SYT1: variants seen among roughly 807,000 people sequenced by gnomAD.
SYT1 encodes the protein synaptotagmin 1, also known as synaptotagmin-1.
Under a neutral mutation model 44.8 loss-of-function variants are expected in SYT1, and 8 were observed. That is an observed-to-expected ratio of 0.18 (90% CI 0.10 to 0.32). SYT1 has a LOEUF of 0.32. Ranked by LOEUF, SYT1 falls within the 10% of genes least tolerant of loss-of-function variation. The pLI, the probability that SYT1 is intolerant of heterozygous loss-of-function variation, is 1.00. For synonymous variants in SYT1, 154 were observed against 188.8 expected, an observed-to-expected ratio of 0.82 and a Z score of 1.51; for missense variants, 286 against 509.3, an observed-to-expected ratio of 0.56 and a Z score of 4.22.
intron 3 of SYT1, among the ~76,000 whole-genome samples, chr12:79,190,704 A>G (rs1313864174): frequency 6.6e-6 from 1 of 152,136 alleles, no homozygotes. Context: ...TCATTCACTT[A>G]CAGTCAATAT....
intron 3 of SYT1, among the ~76,000 whole-genome samples, chr12:79,164,409 G>A (rs551327428): frequency 2.0e-5 from 3 of 151,890 alleles, no homozygotes; most frequent in Non-Finnish European, 4.4e-5. Flanking sequence ...GAAGTTGTGC[G>A]GATGCCTCAC....
chr12:78,933,326 A>G (rs1208881474), intron 1 of SYT1, among the ~76,000 whole-genome samples: 2 of 152,188 alleles, frequency 1.3e-5, no homozygotes, highest in African/African-American at 4.8e-5. Context: ...CTCTTACCAG[A>G]GGAAGGAAGA....
intron 1 of SYT1, among the ~76,000 whole-genome samples, chr12:78,972,765 A>G (rs1298233718): frequency 6.6e-6 from 1 of 151,926 alleles, no homozygotes; most frequent in Non-Finnish European, 1.5e-5. Context: ...TGCCATAACA[A>G]TATAATATAG....
intron 4 of SYT1, among the ~76,000 whole-genome samples, chr12:79,259,375 A>C (rs1877704992): frequency 6.6e-6 from 1 of 152,216 alleles, no homozygotes; most frequent in South Asian, 2.1e-4. Flanking sequence ...CATATTCTGA[A>C]TTTAAAACTG....
chr12:78,891,008 T>C (rs1356462390), intron 1 of SYT1, among the ~76,000 whole-genome samples: 1 of 151,962 alleles, frequency 6.6e-6, no homozygotes, highest in African/African-American at 2.4e-5. Context: ...TACTGATTCC[T>C]CATGTATATG....
chr12:78,913,231 T>C (rs969120630), intron 1 of SYT1, among the ~76,000 whole-genome samples: 1 of 151,338 alleles, frequency 6.6e-6, no homozygotes, highest in African/African-American at 2.4e-5. Context: ...TTTTTAAGCA[T>C]ATTCATTTTG....
chr12:79,011,886 C>G (rs1047594117), intron 2 of SYT1, among the ~76,000 whole-genome samples: 11 of 152,006 alleles, frequency 7.2e-5, no homozygotes, highest in African/African-American at 2.7e-4. Context: ...AATCCCAGCA[C>G]TTTGCGGGGC....
intron 3 of SYT1, among the ~76,000 whole-genome samples, chr12:79,087,687 T>A (rs1234258866): frequency 6.6e-6 from 1 of 151,994 alleles, no homozygotes; most frequent in East Asian, 1.9e-4. Flanking sequence ...TTCTGGGAGT[T>A]GAAGGAACAC....
chr12:79,241,343 T>G (rs1194232302), intron 4 of SYT1, among the ~76,000 whole-genome samples: 2 of 152,126 alleles, frequency 1.3e-5, no homozygotes, highest in African/African-American at 4.8e-5. Flanking sequence ...CGATCTCGGC[T>G]CACTGCAACC....
intron 2 of SYT1, among the ~76,000 whole-genome samples, chr12:79,040,560 C>G (rs1000729613): frequency 3.3e-5 from 5 of 151,966 alleles, no homozygotes; most frequent in African/African-American, 9.7e-5. Context: ...AAATTTTCTC[C>G]CATTTTGTAG....
chr12:79,271,125 T>C (rs1878398900), intron 4 of SYT1, among the ~76,000 whole-genome samples: 1 of 152,214 alleles, frequency 6.6e-6, no homozygotes, highest in Admixed American at 6.5e-5. Flanking sequence ...GATTTTCCTT[T>C]TTAAAATGTA....
chr12:78,971,716 T>A (rs1417039360), intron 1 of SYT1, among the ~76,000 whole-genome samples: 1 of 152,170 alleles, frequency 6.6e-6, no homozygotes, highest in African/African-American at 2.4e-5. Context: ...AATAAAGTCT[T>A]ATGATGGCTT....
rs143358039 is a variant in SYT1, at chr12:79,062,732, C to A, written c.-18+15370C>A. On this transcript the variant is annotated intron_variant, in intron 3 of 10. Coordinates refer to ENST00000261205, the MANE Select transcript of SYT1 (RefSeq NM_005639.3). Reference sequence around the variant, plus strand: ...ATTGGAAGTACTTATTTTGTTAGTACAATTTAAAAGAATCACTTCTGTGAG... The same window carrying A: ...ATTGGAAGTACTTATTTTGTTAGTAAAATTTAAAAGAATCACTTCTGTGAG... 3.3e-3 allele frequency among the ~76,000 whole-genome samples: 499 copies of A among 152,182 alleles called. 5 individuals are homozygous for A. The highest frequency in any genetic ancestry group is 0.011 in the African/African-American group (470 of 41,542).
chr12:79,254,162 A>G (rs918783432), intron 4 of SYT1, among the ~76,000 whole-genome samples: 1 of 152,178 alleles, frequency 6.6e-6, no homozygotes, highest in Non-Finnish European at 1.5e-5. Context: ...TCATAGCTAG[A>G]GAGAAGTCAA....
chr12:78,967,033 C>A (rs1190734115), intron 1 of SYT1, among the ~76,000 whole-genome samples: 1 of 152,054 alleles, frequency 6.6e-6, no homozygotes, highest in Non-Finnish European at 1.5e-5. Flanking sequence ...TTTCCTTATG[C>A]CATAATAGAG....
intron 1 of SYT1, among the ~76,000 whole-genome samples, chr12:78,896,472 A>T (rs1156376645): frequency 6.6e-6 from 1 of 151,834 alleles, no homozygotes; most frequent in South Asian, 2.1e-4. Context: ...TTGGGAAAAA[A>T]AATTTATCTC....
chr12:78,869,274 T>C (rs1247227571), intron 1 of SYT1, among the ~76,000 whole-genome samples: 2 of 151,992 alleles, frequency 1.3e-5, no homozygotes, highest in East Asian at 3.8e-4. Context: ...CTTGAGGAGC[T>C]AGTTTTATAT....
intron 3 of SYT1, among the ~76,000 whole-genome samples, chr12:79,117,896 T>C (rs1004604624): frequency 2.0e-5 from 3 of 151,392 alleles, no homozygotes; most frequent in Non-Finnish European, 2.9e-5. Flanking sequence ...ATTTGCAGAG[T>C]TCCAGGGTTA....
intron 4 of SYT1, among the ~76,000 whole-genome samples, chr12:79,271,511 A>G (rs1028622661): frequency 6.6e-6 from 1 of 152,150 alleles, no homozygotes; most frequent in Non-Finnish European, 1.5e-5. Context: ...CTTTTAGTAA[A>G]ATAAATAAGA....
Sources: allele counts gnomAD v4.1 joint callset (sites outside exome capture counted in the v4.1 genomes callset), GRCh38; gene constraint gnomAD v4.1.1; transcripts MANE v1.5; gene names NCBI Gene and HGNC (gene_info 2026-07-23, HGNC 2026-07-21).